The following DPY19L4 variants were observed in gnomAD, a reference collection of about 807,000 sequenced individuals.
DPY19L4 encodes the protein dpy-19 like 4.
DPY19L4 carries 97 observed loss-of-function variants against 102.8 expected under a neutral mutation model. The observed-to-expected ratio is 0.94, with a 90% CI of 0.80 to 1.12. The LOEUF (loss-of-function observed/expected upper bound fraction) is 1.12, where lower values mean the gene tolerates loss of function less well. DPY19L4 is among the 50% of genes most tolerant of loss of function. DPY19L4 has a pLI of 0.00. For synonymous variants in DPY19L4, 252 were observed against 283.1 expected, an observed-to-expected ratio of 0.89 and a Z score of 1.10; for missense variants, 815 against 850.4, an observed-to-expected ratio of 0.96 and a Z score of 0.52.
intron 15 of DPY19L4, 78 bp from the exon 16 acceptor site, chr8:94,781,006 A>C: frequency 8.2e-7 from 1 of 1,213,506 alleles, no homozygotes. Flanking sequence ...CTTTTGAAAT[A>C]CTGTGGAACA....
chr8:94,727,555 C>A (rs1423579326), intron 2 of DPY19L4, among the ~76,000 whole-genome samples: 1 of 152,122 alleles, frequency 6.6e-6, no homozygotes, highest in Non-Finnish European at 1.5e-5. Context: ...TTTATTATAG[C>A]AAATAATATA....
At chr8:94,734,528 T>A (rs1345377877) in intron 2 of DPY19L4, 102 bp from the exon 3 acceptor site, 12 of 1,211,594 alleles carry the variant, frequency 9.9e-6, no homozygotes, top group Non-Finnish European at 1.4e-5. Flanking sequence ...ACTCGAGTTG[T>A]GGGTTTTGGG....
Position 94,790,847 on chromosome 8 carries a change from G to T in DPY19L4, c.*937G>T, listed in dbSNP as rs754715188. 1 of 152,130 alleles carries T rather than the reference G, an allele frequency of 6.6e-6. No individual in the cohort carries two copies. The highest frequency in any genetic ancestry group is 1.9e-4 in the East Asian group (1 of 5,190). The allele number at this position is 152,130 out of a possible 1,614,324, so 9.4% of individuals were successfully genotyped here. On this transcript the variant is annotated 3_prime_UTR_variant, in exon 19 of 19. Transcript: ENST00000414645. The stretch of plus-strand genomic sequence containing the variant: ...GGGATACATGCAGATGTTGTTAAAC[G>T]TACCTCTGCATACAGATATATTATA...
chr8:94,753,903 C>T (rs978925082), intron 6 of DPY19L4, among the ~76,000 whole-genome samples: 13 of 151,702 alleles, frequency 8.6e-5, no homozygotes, highest in Non-Finnish European at 4.4e-5. Context: ...ATTGTGCTAC[C>T]GGGCGTGGTA....
intron 17 of DPY19L4, among the ~76,000 whole-genome samples, chr8:94,786,552 T>C (rs745445041): frequency 8.6e-5 from 13 of 151,916 alleles, no homozygotes; most frequent in Non-Finnish European, 1.8e-4. Flanking sequence ...GAACCTAAGT[T>C]CCCAATATTC....
intron 13 of DPY19L4, among the ~76,000 whole-genome samples, chr8:94,773,660 C>T (rs141534099): frequency 0.033 from 4,953 of 151,936 alleles, 119 homozygotes; most frequent in Middle Eastern, 0.051. Flanking sequence ...GAACTCTTGA[C>T]CTCAGGTGAT....
intron 6 of DPY19L4, among the ~76,000 whole-genome samples, chr8:94,752,848 A>G (rs1812004908): frequency 1.3e-5 from 2 of 150,846 alleles, no homozygotes; most frequent in South Asian, 2.1e-4. Context: ...TGTATTTTTA[A>G]TAGAGACAGG....
At chr8:94,785,842 T>C (rs1400489176) in intron 17 of DPY19L4, among the ~76,000 whole-genome samples, 1 of 152,248 alleles carries the variant, frequency 6.6e-6, no homozygotes, top group East Asian at 1.9e-4. Context: ...TTTTTGTGGA[T>C]TTAAAACAAC....
At position 94,719,985 on chromosome 8, in the gene DPY19L4, C is replaced by T; in HGVS notation, c.-14C>T. ...GCGCGGGAGCCGCAGGGCGCCCTAG[C>T]CTTCGCAGAAACGATGGCGGAGGAA... On this transcript the variant is annotated 5_prime_UTR_variant, in exon 1 of 19. Transcript: ENST00000414645. 1 of 1,524,928 alleles carries T rather than the reference C, an allele frequency of 6.6e-7. No individual in the cohort carries two copies. The highest frequency in any genetic ancestry group is 8.8e-7 in the Non-Finnish European group (1 of 1,137,380). 94.5% of individuals were successfully genotyped at this position (1,524,928 alleles called of 1,614,324 possible). A position where few individuals can be genotyped will look rare whatever the true frequency, so the allele number is the denominator to read the frequency against.
chr8:94,788,648 CG>C (rs1813763479), intron 18 of DPY19L4, among the ~76,000 whole-genome samples: 4 of 151,758 alleles, frequency 2.6e-5, no homozygotes, highest in African/African-American at 7.3e-5. Flanking sequence ...CGCACGCGCG[CG>C]CGCATGTGTC....
rs192713931 is a variant in DPY19L4, at chr8:94,752,307, G to A, written c.612-3729G>A. ...GCCCATTTTAAAAGCTTAGATTGCT[G>A]GGGGCAGGGTCTCACGCCTGTAATC... On this transcript the variant is annotated intron_variant, in intron 6 of 18. Coordinates refer to ENST00000414645, the MANE Select transcript of DPY19L4 (RefSeq NM_181787.3). 2.4e-3 allele frequency among the ~76,000 whole-genome samples: 371 copies of A among 152,088 alleles called. 2 individuals carry two copies. The highest frequency in any genetic ancestry group is 1.5e-3 in the Non-Finnish European group (103 of 67,994).
intron 6 of DPY19L4, among the ~76,000 whole-genome samples, chr8:94,754,334 G>C (rs928558222): frequency 3.9e-5 from 6 of 152,122 alleles, no homozygotes; most frequent in African/African-American, 1.2e-4. Context: ...GTATGTGTTT[G>C]TTTCTTTTGG....
chr8:94,741,362 C>T (rs1811437857), intron 6 of DPY19L4, among the ~76,000 whole-genome samples: 1 of 152,120 alleles, frequency 6.6e-6, no homozygotes, highest in Non-Finnish European at 1.5e-5. Flanking sequence ...TAACCTTTGC[C>T]TTAAAGTAGT....
rs568569220 is a variant in DPY19L4, at chr8:94,747,566, T to G, written c.611+7776T>G. On this transcript the variant is annotated intron_variant, in intron 6 of 18. Coordinates refer to ENST00000414645, the MANE Select transcript of DPY19L4 (RefSeq NM_181787.3). ...TACTATGATGGTTCTTTTTTTTTTT[T>G]TTTTTTTTTTGAGACAGAGTCTCGC... Among the ~76,000 whole-genome samples, 713 of 147,396 alleles carry G rather than the reference T, an allele frequency of 4.8e-3. 6 individuals carry two copies. The highest frequency in any genetic ancestry group is 0.028 in the Middle Eastern group (8 of 288).
At chr8:94,787,089 C>T (rs1813687825) in intron 17 of DPY19L4, among the ~76,000 whole-genome samples, 1 of 152,022 alleles carries the variant, frequency 6.6e-6, no homozygotes, top group South Asian at 2.1e-4. Context: ...CCTTGTGTCC[C>T]AACAAAGAAT....
intron 2 of DPY19L4, among the ~76,000 whole-genome samples, chr8:94,728,677 T>C (rs1049790502): frequency 1.6e-4 from 24 of 152,356 alleles, no homozygotes; most frequent in Admixed American, 1.5e-3. Context: ...TAATACTGTT[T>C]CCTGTGAACA....
At chr8:94,784,126 TGCAACC>T in intron 17 of DPY19L4, among the ~76,000 whole-genome samples, 1 of 152,242 alleles carries the variant, frequency 6.6e-6, no homozygotes, top group African/African-American at 2.4e-5. Flanking sequence ...CTCAGCTCAC[TGCAACC>T]TCCGCTTCCT....
intron 17 of DPY19L4, among the ~76,000 whole-genome samples, chr8:94,784,657 T>A (rs2130939778): frequency 6.6e-6 from 1 of 152,336 alleles, no homozygotes; most frequent in East Asian, 1.9e-4. Flanking sequence ...GGCAAACTCC[T>A]GACCTCAGGT....
At chr8:94,775,745 A>G (rs980440417) in intron 13 of DPY19L4, among the ~76,000 whole-genome samples, 1 of 152,222 alleles carries the variant, frequency 6.6e-6, no homozygotes, top group Non-Finnish European at 1.5e-5. Context: ...CAGGGAATAT[A>G]TCATAGAAGG....
Sources: gnomAD v4.1 joint callset for allele counts (sites outside exome capture counted in the v4.1 genomes callset) on GRCh38, gnomAD v4.1.1 for gene constraint, MANE v1.5 for transcripts, NCBI Gene and HGNC (gene_info 2026-07-23, HGNC 2026-07-21) for gene names.